The following AAK1 variants were observed in gnomAD, a reference collection of about 807,000 sequenced individuals.
AAK1 encodes the protein AP2-associated protein kinase 1.
A neutral mutation model predicts 116.0 loss-of-function variants in AAK1; 37 were observed. The ratio of observed to expected loss-of-function variants is 0.32; its 90% confidence interval spans 0.25 to 0.42. The LOEUF is 0.42. Ranked by LOEUF, AAK1 falls within the 10% of genes least tolerant of loss-of-function variation. The pLI is 1.00. For missense variants in AAK1, 919 were observed against 1,170.6 expected, an observed-to-expected ratio of 0.79 and a Z score of 3.14; for synonymous variants, 458 against 439.9, an observed-to-expected ratio of 1.04 and a Z score of -0.51.
chr2:69,589,005 A>G (rs1037635781), intron 2 of AAK1, among the ~76,000 whole-genome samples: 7 of 152,336 alleles, frequency 4.6e-5, no homozygotes, highest in African/African-American at 1.7e-4. Context: ...TATATGAACA[A>G]TATGCTCACA....
Position 69,472,921 on chromosome 2 carries a change from G to C in AAK1, c.*2948C>G. 1.0e-6 allele frequency: 1 copy of C among 985,738 alleles called. No homozygotes were observed. Among genetic ancestry groups the C allele is most frequent in the Non-Finnish European group, 1.2e-6 (1 of 829,800 alleles). 61.1% of individuals were successfully genotyped at this position (985,738 alleles called of 1,614,324 possible). Reference sequence around the variant, plus strand: ...TATTCAGATAATCAAGAAAGAGCAAGTTAGTAAAAGCCCATTATAATTCTT... The same window carrying C: ...TATTCAGATAATCAAGAAAGAGCAACTTAGTAAAAGCCCATTATAATTCTT... On this transcript the variant is annotated 3_prime_UTR_variant, in exon 22 of 22. Coordinates refer to ENST00000409085, the MANE Select transcript of AAK1 (RefSeq NM_014911.5).
chr2:69,557,444 G>C (rs149462868), intron 2 of AAK1, among the ~76,000 whole-genome samples: 1 of 151,856 alleles, frequency 6.6e-6, no homozygotes, highest in African/African-American at 2.4e-5. Context: ...TGGGATTACA[G>C]GTGTACACCA....
Position 69,544,026 on chromosome 2 carries a change from C to T in AAK1, c.391+410G>A, listed in dbSNP as rs193275421. Among the ~76,000 whole-genome samples, 443 of 152,212 alleles carry T rather than the reference C, an allele frequency of 2.9e-3. 3 individuals are homozygous for T. Among genetic ancestry groups the T allele is most frequent in the African/African-American group, 9.8e-3 (407 of 41,536 alleles). On this transcript the variant is annotated intron_variant, in intron 4 of 21. Coordinates refer to ENST00000409085, the MANE Select transcript of AAK1 (RefSeq NM_014911.5). ...TTAGACAAAAAGGATGCTTTTACCC[C>T]GTAACACATGAATGATGGCATGAGT...
chr2:69,530,175 C>A (rs1670194290), intron 7 of AAK1, 35 bp from the exon 8 acceptor site: 10 of 1,584,018 alleles, frequency 6.3e-6, no homozygotes, highest in Non-Finnish European at 8.6e-6. Flanking sequence ...CTACTAGTGG[C>A]TTATTTATCA....
Position 69,544,427 on chromosome 2 carries a change from T to C in AAK1, c.391+9A>G, listed in dbSNP as rs1558949306. 4.4e-6 allele frequency: 7 copies of C among 1,594,474 alleles called. No homozygotes were observed. The highest frequency in any genetic ancestry group is 2.7e-5 in the African/African-American group (2 of 74,540). On this transcript the variant is annotated intron_variant, in intron 4 of 21. Transcript: ENST00000409085. ...AATGACAGCTTAAGGGAATGGTTCA[T>C]ATACATACCTCTACAAAAGTCCATC...
chr2:69,594,779 C>G, intron 2 of AAK1: 1 of 1,065,192 alleles, frequency 9.4e-7, no homozygotes, highest in Non-Finnish European at 1.4e-6. Context: ...TTCTTACCTC[C>G]TCCCAGTTCA....
intron 2 of AAK1, chr2:69,597,766 C>T (rs1043561383): frequency 6.5e-6 from 1 of 154,064 alleles, no homozygotes; most frequent in Non-Finnish European, 1.4e-5. Flanking sequence ...CCACTAGTCC[C>T]AGCTACTAGC....
chr2:69,468,808 A>C lies in AAK1; in HGVS notation c.*7061T>G. On this transcript the variant is annotated 3_prime_UTR_variant, in exon 22 of 22. Coordinates refer to ENST00000409085, the MANE Select transcript of AAK1 (RefSeq NM_014911.5). ...TGTATGTGCCCATATTCAGGGTTGG[A>C]GAGGATGGAAGAACATGTCTAACCC... 1.0e-6 allele frequency: 1 copy of C among 985,398 alleles called. No homozygotes were observed. The allele number at this position is 985,398 out of a possible 1,614,324, so 61.0% of individuals were successfully genotyped here. A position where few individuals can be genotyped will look rare whatever the true frequency, so the allele number is the denominator to read the frequency against.
rs373100429 is a variant in AAK1, at chr2:69,476,973, G to T, written c.2698C>A (p.Leu900Ile). Residue 900 changes from leucine (L) to isoleucine (I), a missense_variant, in exon 21 of 22, where the codon CTC becomes ATC. By Grantham distance (5) the Leu-to-Ile change is conservative. This residue lies in a region of AAK1 where 263 missense variants were observed against 285.5 expected (regional missense o/e 0.92). Transcript: ENST00000409085. ...PVHKAAEDSNLISGFDVPEGS... is the reference protein window; with the variant it reads ...PVHKAAEDSNIISGFDVPEGS... ...TCAGGGACATCAAAACCTGAGATGA[G>T]ATTACTATCTTCTGCAGCTTAATAC... The T allele has an allele frequency of 5.0e-6, 8 of 1,611,968 alleles. No homozygotes were observed. The African/African-American group carries it at 9.4e-5, about 19-fold the overall frequency.
At chr2:69,491,584 C>CA (rs1441975059) in intron 17 of AAK1, among the ~76,000 whole-genome samples, 1 of 152,088 alleles carries the variant, frequency 6.6e-6, no homozygotes, top group East Asian at 1.9e-4. Context: ...CTCAGTTGTG[C>CA]AAAAGTTAAA....
intron 10 of AAK1, 49 bp downstream of exon 10, chr2:69,524,984 C>T (rs1019514692): frequency 2.6e-6 from 4 of 1,533,584 alleles, no homozygotes; most frequent in Non-Finnish European, 1.8e-6. Context: ...TCATTCCCTG[C>T]TGCTGTGGCA....
At chr2:69,624,936 T>A (rs1674828507) in intron 2 of AAK1, among the ~76,000 whole-genome samples, 1 of 152,082 alleles carries the variant, frequency 6.6e-6, no homozygotes, top group Non-Finnish European at 1.5e-5. Flanking sequence ...AGGGAAGGGA[T>A]TGCAAGCAAA....
chr2:69,492,815 C>T (rs913971705), intron 17 of AAK1, among the ~76,000 whole-genome samples: 1 of 152,060 alleles, frequency 6.6e-6, no homozygotes, highest in Non-Finnish European at 1.5e-5. Flanking sequence ...TCAGCTACCA[C>T]GCCCAGCCTT....
At position 69,530,067 on chromosome 2, in the gene AAK1, T is replaced by G; in HGVS notation, c.812A>C (p.Asp271Ala). 6 of 1,610,194 alleles carry G rather than the reference T, an allele frequency of 3.7e-6. No homozygotes were observed. Among genetic ancestry groups the G allele is most frequent in the Non-Finnish European group, 5.1e-6 (6 of 1,178,228 alleles). The change falls in exon 8 of 22, where the codon GAT becomes GCT. Residue 271 changes from aspartate to alanine, a missense_variant. Coordinates refer to ENST00000409085, the MANE Select transcript of AAK1 (RefSeq NM_014911.5). ...ATTATCAGGAATTGTGAAGTTTCCA[T>G]CACAAATTGCCACCTGACTTTCCCC... ...PFGESQVAIC[D>A]GNFTIPDNSR...
At chr2:69,507,298 G>A in intron 15 of AAK1, 123 bp downstream of exon 15, 2 of 1,210,628 alleles carry the variant, frequency 1.7e-6, no homozygotes, top group South Asian at 3.2e-5. Flanking sequence ...CTTATGCAAA[G>A]GCCCAAGCCT....
Position 69,475,801 on chromosome 2 carries a change from T to C in AAK1, c.*68A>G, listed in dbSNP as rs1389653718. ...TTTTTTAAAAAAATCATTTTTTTCA[T>C]AACTCCGTAATGAAAATGTATTTTA... is the stretch of plus-strand genomic sequence containing the variant. On this transcript the variant is annotated 3_prime_UTR_variant, in exon 22 of 22. Transcript: ENST00000409085. The C allele has an allele frequency of 1.3e-6, 2 of 1,511,096 alleles. No individual in the cohort carries two copies. Among genetic ancestry groups the C allele is most frequent in the Admixed American group, 4.2e-5 (2 of 47,126 alleles). 93.6% of individuals were successfully genotyped at this position (1,511,096 alleles called of 1,614,324 possible). A position where few individuals can be genotyped will look rare whatever the true frequency, so the allele number is the denominator to read the frequency against.
At position 69,627,280 on chromosome 2, in the gene AAK1, C is replaced by T. The variant is rs1674946402; in HGVS notation, c.163+15598G>A. Among the ~76,000 whole-genome samples the T allele has an allele frequency of 2.0e-5, 3 of 146,944 alleles. No homozygotes were observed. The South Asian group carries it at 6.5e-4, about 32-fold the overall frequency. On this transcript the variant is annotated intron_variant, in intron 2 of 21. Transcript: ENST00000409085. ...CTCCAGCCTGGGTGACAGAGTGAGA[C>T]TCTGTCTCAAAAAGAGAAAAAAAAA...
chr2:69,640,468 T>C (rs1336453910), intron 2 of AAK1, among the ~76,000 whole-genome samples: 1 of 145,556 alleles, frequency 6.9e-6, no homozygotes, highest in Non-Finnish European at 1.5e-5. Context: ...ACAGTGCTGG[T>C]AACCATGCTA....
At chr2:69,580,547 TGAGA>T (rs774907304) in intron 2 of AAK1, among the ~76,000 whole-genome samples, 23 of 152,004 alleles carry the variant, frequency 1.5e-4, no homozygotes, top group Non-Finnish European at 2.8e-4. Context: ...AAAGCAGAGA[TGAGA>T]GAGAGAGAAA....
Sources: gnomAD v4.1 joint callset for allele counts (sites outside exome capture counted in the v4.1 genomes callset) on GRCh38, gnomAD v4.1.1 for gene constraint, gnomAD v4.1.1 regional missense constraint, MANE v1.5 for transcripts, NCBI Gene and HGNC (gene_info 2026-07-23, HGNC 2026-07-21) for gene names.